DCC: variants seen among roughly 807,000 people sequenced by gnomAD.
DCC encodes the protein DCC netrin 1 receptor, also known as netrin receptor DCC.
In DCC, 58 loss-of-function variants were observed where a neutral mutation model predicts 172.5. The observed-to-expected ratio is 0.34, with a 90% CI of 0.27 to 0.42. The LOEUF (loss-of-function observed/expected upper bound fraction) is 0.42. Among genes scored for constraint, DCC ranks in the 10% least tolerant of loss-of-function variants. The pLI is 1.00. For missense variants in DCC, 1,740 were observed against 1,791.0 expected (o/e 0.97, Z 0.51); for synonymous variants, 709 against 644.5 (o/e 1.10, Z -1.52).
intron 5 of DCC, among the ~76,000 whole-genome samples, chr18:52,958,866 A>G (rs1262183957): frequency 6.6e-6 from 1 of 152,100 alleles, no homozygotes; most frequent in Non-Finnish European, 1.5e-5. Context: ...AGAAGTAAGG[A>G]TTTAGAGCAA....
intron 16 of DCC, among the ~76,000 whole-genome samples, chr18:53,388,060 C>T (rs1908290495): frequency 6.6e-6 from 1 of 152,092 alleles, no homozygotes; most frequent in Admixed American, 6.5e-5. Flanking sequence ...TTCAAAAACA[C>T]CAGTGATCCA....
chr18:53,110,352 G>C (rs570553965), intron 7 of DCC, among the ~76,000 whole-genome samples: 4 of 151,666 alleles, frequency 2.6e-5, no homozygotes, highest in Non-Finnish European at 5.9e-5. Context: ...TTAAACGACT[G>C]TTCCATATCA....
rs932960668 is a variant in DCC at position 52,606,903 on chromosome 18, T to G, written c.92-145151T>G. On this transcript the variant is annotated intron_variant, in intron 1 of 28. Transcript: ENST00000442544. The stretch of plus-strand genomic sequence containing the variant: ...TGTGATGACTTCCTGATTAAGCTAT[T>G]ATTTATGACTTCCTTCTTTTTCAAT... Among the ~76,000 whole-genome samples, 30 of 152,182 alleles carry G rather than the reference T, an allele frequency of 2.0e-4. 1 individual carries two copies.
intron 2 of DCC, among the ~76,000 whole-genome samples, chr18:52,792,988 G>A (rs6508161): frequency 0.96 from 146,045 of 152,312 alleles, 70,318 homozygotes; most frequent in East Asian, 1. Context: ...GGGTGGGTTA[G>A]GGAGTGGAAA....
chr18:53,327,454 A>G (rs911476778), intron 14 of DCC, among the ~76,000 whole-genome samples: 4 of 152,124 alleles, frequency 2.6e-5, no homozygotes, highest in African/African-American at 9.7e-5. Context: ...TGTTTATGAT[A>G]CTTTTGTTTT....
chr18:52,499,245 C>T (rs1291190811), intron 1 of DCC, among the ~76,000 whole-genome samples: 2 of 152,124 alleles, frequency 1.3e-5, no homozygotes, highest in Admixed American at 6.6e-5. Context: ...AGCAATGACG[C>T]AGCCTGACTT....
rs577582046 is a variant in DCC at position 52,346,597 on chromosome 18, C to T, written c.91+5719C>T. Among the ~76,000 whole-genome samples, 3 of 152,096 alleles carry T rather than the reference C, an allele frequency of 2.0e-5. No individual in the cohort carries two copies. The East Asian group carries it at 5.8e-4, about 29-fold the overall frequency. On this transcript the variant is annotated intron_variant, in intron 1 of 28. Coordinates refer to ENST00000442544, the MANE Select transcript of DCC (RefSeq NM_005215.4). ...TAATAATGCATAAGATTGAATATGC[C>T]TTCTTTTTCAATATTGATGGGAATT...
chr18:52,844,482 G>C (rs2145325412), intron 2 of DCC, among the ~76,000 whole-genome samples: 1 of 152,216 alleles, frequency 6.6e-6, no homozygotes, highest in South Asian at 2.1e-4. Context: ...AATTGGCCTT[G>C]TAACTCCAGT....
intron 7 of DCC, among the ~76,000 whole-genome samples, chr18:53,106,557 T>C (rs1400627417): frequency 6.6e-6 from 1 of 151,952 alleles, no homozygotes; most frequent in Non-Finnish European, 1.5e-5. Context: ...CTGAGACTTC[T>C]AATTAAGGTT....
rs1224557200 is a variant in DCC, at chr18:53,410,395, A to C, written c.2936-57A>C. 2.8e-6 allele frequency: 3 copies of C among 1,063,900 alleles called. No homozygotes were observed. The Admixed American group carries it at 5.1e-5, about 18-fold the overall frequency. 65.9% of individuals were successfully genotyped at this position (1,063,900 alleles called of 1,614,324 possible). A position where few individuals can be genotyped will look rare whatever the true frequency, so the allele number is the denominator to read the frequency against. ...ACATTTGGGAAACCTGGGTGTTTGG[A>C]AGCAGAACTGCAGCGTGTAGGACAC... On this transcript the variant is annotated intron_variant, in intron 19 of 28. Coordinates refer to ENST00000442544, the MANE Select transcript of DCC (RefSeq NM_005215.4).
intron 1 of DCC, among the ~76,000 whole-genome samples, chr18:52,467,355 G>A (rs1211125143): frequency 6.6e-6 from 1 of 150,912 alleles, no homozygotes; most frequent in Non-Finnish European, 1.5e-5. Context: ...CTTCATCCAT[G>A]TCCCTGCAAA....
intron 1 of DCC, among the ~76,000 whole-genome samples, chr18:52,656,032 ATATG>A (rs1367159257): frequency 2.9e-5 from 4 of 136,852 alleles, no homozygotes; most frequent in Admixed American, 2.3e-4. Flanking sequence ...ATATATGTAT[ATATG>A]TGTGTATATA....
chr18:52,641,438 G>A (rs1034095993), intron 1 of DCC, among the ~76,000 whole-genome samples: 1 of 152,122 alleles, frequency 6.6e-6, no homozygotes, highest in African/African-American at 2.4e-5. Context: ...TCCACAGAGT[G>A]GGAGAAAATC....
chr18:52,396,237 G>A (rs1986222322), intron 1 of DCC, among the ~76,000 whole-genome samples: 1 of 151,304 alleles, frequency 6.6e-6, no homozygotes, highest in Non-Finnish European at 1.5e-5. Context: ...ACTGATTTGT[G>A]AACTTCAATA....
intron 1 of DCC, among the ~76,000 whole-genome samples, chr18:52,424,917 CT>C (rs1232513922): frequency 1.5e-5 from 2 of 131,868 alleles, no homozygotes; most frequent in African/African-American, 2.7e-5. Context: ...TCCTGATTTC[CT>C]TTTCTTTTTT....
At chr18:53,328,532 TTGTTGTTGC>T (rs1439243637) in intron 14 of DCC, among the ~76,000 whole-genome samples, 2 of 152,126 alleles carry the variant, frequency 1.3e-5, no homozygotes, top group South Asian at 2.1e-4. Context: ...TGTGTTGTTG[TTGTTGTTGC>T]TGCTGCTGTT....
intron 12 of DCC, among the ~76,000 whole-genome samples, chr18:53,252,956 A>C (rs1172296672): frequency 6.6e-6 from 1 of 152,104 alleles, no homozygotes; most frequent in Non-Finnish European, 1.5e-5. Context: ...GCTTCTCCAA[A>C]GTCACATAGC....
intron 26 of DCC, among the ~76,000 whole-genome samples, chr18:53,489,025 G>C (rs1314251981): frequency 6.6e-6 from 1 of 151,592 alleles, no homozygotes; most frequent in African/African-American, 2.4e-5. Context: ...TGGGCATGGT[G>C]GCATGCGCCT....
intron 27 of DCC, among the ~76,000 whole-genome samples, chr18:53,512,441 A>G (rs947904409): frequency 6.6e-6 from 1 of 151,616 alleles, no homozygotes; most frequent in African/African-American, 2.4e-5. Context: ...CTCACCAGCA[A>G]CGGAACAAAG....
Sources: allele counts gnomAD v4.1 joint callset (sites outside exome capture counted in the v4.1 genomes callset), GRCh38; gene constraint gnomAD v4.1.1; transcripts MANE v1.5; gene names NCBI Gene and HGNC (gene_info 2026-07-23, HGNC 2026-07-21).